NEBL: variants seen among roughly 807,000 people sequenced by gnomAD.
NEBL encodes the protein LIM and SH3 protein 2.
Under a neutral mutation model 140.2 loss-of-function variants are expected in NEBL, and 122 were observed. That is an observed-to-expected ratio of 0.87 (90% CI 0.75 to 1.01). NEBL has a LOEUF of 1.01. NEBL is among the 50% of genes least tolerant of loss of function. NEBL has a pLI of 0.00. For synonymous variants in NEBL, 436 were observed against 398.9 expected (o/e 1.09, Z -1.11); for missense variants, 1,365 against 1,231.3 (o/e 1.11, Z -1.62).
intron 3 of NEBL, among the ~76,000 whole-genome samples, chr10:20,976,075 C>T (rs1836784393): frequency 6.6e-6 from 1 of 152,086 alleles, no homozygotes; most frequent in African/African-American, 2.4e-5. Context: ...TGGCTCACAC[C>T]TGTAATCCCA....
chr10:20,913,764 T>C (rs902222063), intron 4 of NEBL, among the ~76,000 whole-genome samples: 1 of 152,218 alleles, frequency 6.6e-6, no homozygotes, highest in Non-Finnish European at 1.5e-5. Flanking sequence ...AAATACTATT[T>C]GCCTGTGGTA....
chr10:21,006,861 G>T (rs576168513), intron 3 of NEBL, among the ~76,000 whole-genome samples: 1 of 152,132 alleles, frequency 6.6e-6, no homozygotes, highest in African/African-American at 2.4e-5. Flanking sequence ...AACCATTTTC[G>T]ATCCACATTA....
At chr10:20,969,548 T>C (rs1412690076) in intron 3 of NEBL, among the ~76,000 whole-genome samples, 4 of 145,390 alleles carry the variant, frequency 2.8e-5, no homozygotes, top group African/African-American at 7.6e-5. Flanking sequence ...TCTTTTCTTT[T>C]TTTTTTTTTT....
chr10:20,967,112 T>C (rs1836349796), intron 3 of NEBL, among the ~76,000 whole-genome samples: 1 of 152,172 alleles, frequency 6.6e-6, no homozygotes, highest in African/African-American at 2.4e-5. Context: ...CAGATCATGC[T>C]TCTCTCCAAA....
chr10:21,095,706 G>T (rs1167193467), intron 2 of NEBL, among the ~76,000 whole-genome samples: 3 of 152,218 alleles, frequency 2.0e-5, no homozygotes, highest in Non-Finnish European at 4.4e-5. Context: ...GGACATCTCA[G>T]TGGCATCTGT....
At position 20,823,297 on chromosome 10, in the gene NEBL, TCA is replaced by T. The variant is rs1401288381; in HGVS notation, c.1871_1872del (p.Val624GlufsTer7). 6.3e-7 allele frequency: 1 copy of T among 1,598,034 alleles called. No homozygotes were observed. The highest frequency in any genetic ancestry group is 8.6e-7 in the Non-Finnish European group (1 of 1,169,028). On this transcript the variant is annotated frameshift_variant and splice_region_variant, in exon 19 of 28. Transcript: ENST00000377122. LOFTEE classifies it high-confidence loss of function. ...VKKNQQNISS[V>X]KYKEEIKHAT... Reference sequence around the variant, plus strand: ...GCATGTTTAATCTCTTCTTTGTATTTCACCTGCATAATTTATAAGAATATAAC... The same window carrying T: ...GCATGTTTAATCTCTTCTTTGTATTTCCTGCATAATTTATAAGAATATAAC...
At chr10:20,901,003 G>A (rs1847847928), upstream of NEBL, among the ~76,000 whole-genome samples, 1 of 152,068 alleles carries the variant, frequency 6.6e-6, no homozygotes, top group Admixed American at 6.6e-5. Flanking sequence ...GGGTGACAGA[G>A]CGAGACTCCC....
chr10:21,159,926 C>G (rs1840486833), intron 2 of NEBL, among the ~76,000 whole-genome samples: 1 of 152,220 alleles, frequency 6.6e-6, no homozygotes, highest in African/African-American at 2.4e-5. Flanking sequence ...CCCTGCTGGT[C>G]TCTTCTGAGA....
chr10:20,810,852 T>C (rs1245212095), intron 24 of NEBL, among the ~76,000 whole-genome samples: 1 of 152,236 alleles, frequency 6.6e-6, no homozygotes, highest in African/African-American at 2.4e-5. Flanking sequence ...GCTGACCATA[T>C]GCCAGGCACT....
chr10:20,845,107 T>C, intron 12 of NEBL, 151 bp downstream of exon 12: 1 of 562,080 alleles, frequency 1.8e-6, no homozygotes, highest in Admixed American at 3.1e-5. Context: ...CTAATGAAAA[T>C]GCAACACTTT....
chr10:20,924,578 T>G (rs546234787), intron 4 of NEBL, among the ~76,000 whole-genome samples: 13 of 148,594 alleles, frequency 8.7e-5, no homozygotes, highest in African/African-American at 3.2e-4. Flanking sequence ...TAACTACATA[T>G]AGGGCTCTGG....
At chr10:20,995,525 C>T (rs903425288) in intron 3 of NEBL, among the ~76,000 whole-genome samples, 2 of 152,036 alleles carry the variant, frequency 1.3e-5, no homozygotes, top group Admixed American at 1.3e-4. Context: ...GCAGCAGCAC[C>T]GCACGCTGAG....
intron 3 of NEBL, among the ~76,000 whole-genome samples, chr10:21,202,752 C>T (rs916953255): frequency 1.3e-5 from 2 of 152,072 alleles, no homozygotes; most frequent in South Asian, 2.1e-4. Context: ...TGAGCCACCA[C>T]GCCCGGCCTT....
At chr10:21,121,788 G>A (rs879511632) in intron 2 of NEBL, among the ~76,000 whole-genome samples, 5 of 152,138 alleles carry the variant, frequency 3.3e-5, no homozygotes, top group Non-Finnish European at 7.4e-5. Flanking sequence ...AGACAGCCTG[G>A]AGATAGATGT....
chr10:20,930,317 A>G (rs776165731), intron 4 of NEBL, among the ~76,000 whole-genome samples: 17 of 152,102 alleles, frequency 1.1e-4, no homozygotes, highest in African/African-American at 3.9e-4. Context: ...TATTGGATCT[A>G]TCTCCAAAGC....
intron 1 of NEBL, among the ~76,000 whole-genome samples, chr10:21,276,315 T>G (rs902137642): frequency 6.6e-6 from 1 of 152,138 alleles, no homozygotes; most frequent in South Asian, 2.1e-4. Context: ...AGAATTTTTC[T>G]TCTACATGTC....
rs1386254956 is a variant in NEBL at position 21,048,560 on chromosome 10, A to T, written c.165-28359T>A. The stretch of plus-strand genomic sequence containing the variant: ...AAGATGCAAATGGTTGCAGTCTTAG[A>T]GTCCTTCCAAGAAACAGAATCAATA... On this transcript the variant is annotated intron_variant, in intron 2 of 6. Transcript: ENST00000417816. 1.2e-4 allele frequency among the ~76,000 whole-genome samples: 19 copies of T among 152,260 alleles called. No individual in the cohort carries two copies. In the East Asian group the frequency reaches 3.5e-3, roughly 28 times the overall value.
At chr10:20,805,698 C>T (rs1342207736) in intron 26 of NEBL, among the ~76,000 whole-genome samples, 2 of 151,992 alleles carry the variant, frequency 1.3e-5, no homozygotes, top group Admixed American at 6.6e-5. Flanking sequence ...ACTAAAAATA[C>T]AAAAATTAGC....
At chr10:20,871,143 C>A (rs757634419) in intron 5 of NEBL, among the ~76,000 whole-genome samples, 200 of 152,316 alleles carry the variant, frequency 1.3e-3, no homozygotes, top group Non-Finnish European at 2.4e-3. Context: ...AGAAAGATCA[C>A]AGAAATGTGT....
Sources: allele counts gnomAD v4.1 joint callset (sites outside exome capture counted in the v4.1 genomes callset), GRCh38; gene constraint gnomAD v4.1.1; transcripts MANE v1.5; gene names NCBI Gene and HGNC (gene_info 2026-07-23, HGNC 2026-07-21).